TMEM131L: variants seen among roughly 807,000 people sequenced by gnomAD.
TMEM131L encodes transmembrane protein 131-like.
A neutral mutation model predicts 192.2 loss-of-function variants in TMEM131L; 54 were observed. The observed-to-expected ratio is 0.28, with a 90% confidence interval of 0.23 to 0.35. The LOEUF is 0.35. Among genes scored for constraint, TMEM131L ranks in the 10% least tolerant of loss-of-function variants. The pLI is 1.00. For missense variants in TMEM131L, 1,888 were observed against 1,972.9 expected, an observed-to-expected ratio of 0.96 and a Z score of 0.82; for synonymous variants, 701 against 704.9, an observed-to-expected ratio of 0.99 and a Z score of 0.09.
intron 3 of TMEM131L, among the ~76,000 whole-genome samples, chr4:153,530,434 CAGGA>C (rs1476587206): frequency 6.6e-6 from 1 of 151,974 alleles, no homozygotes; most frequent in Admixed American, 6.5e-5. Context: ...AGTTTCCCCA[CAGGA>C]AGGGGAAATA....
In TMEM131L at chr4:153,634,207, T is replaced by C; in HGVS notation, c.4344T>C (p.Ser1448=). ...APVHNSFIDW[S]ATCEGQFSSA... is the part of the protein sequence containing the mutation. The stretch of plus-strand genomic sequence containing the variant: ...TTTGTGGCAGTTTCATTGATTGGAG[T>C]GCAACATGCGAAGGCCAGTTTTCCA... The change falls in exon 33 of 35, where the codon AGT becomes AGC. Residue 1448 remains serine, a synonymous_variant. Transcript: ENST00000409959. 6.2e-7 allele frequency: 1 copy of C among 1,614,080 alleles called. No homozygotes were observed. Among genetic ancestry groups the C allele is most frequent in the Non-Finnish European group, 8.5e-7 (1 of 1,179,920 alleles).
intron 30 of TMEM131L, 60 bp from the exon 31 acceptor site, chr4:153,627,545 T>C (rs1209033208): frequency 7.9e-7 from 1 of 1,273,088 alleles, no homozygotes; most frequent in Non-Finnish European, 1.1e-6. Flanking sequence ...GGTTATACAA[T>C]ATCAGTATTT....
rs140614660 is a variant in TMEM131L at position 153,584,887 on chromosome 4, C to T, written c.1113C>T (p.His371=). ...GIIEDVKKTT[H]TPTLKACLFS... The stretch of plus-strand genomic sequence containing the variant: ...TAGAAGATGTGAAGAAAACAACACA[C>T]ACTCCAACACTAAAAGCATGCCTCT... The change falls in exon 12 of 35, where the codon CAC becomes CAT. Residue 371 remains histidine (H), a synonymous_variant. Coordinates refer to ENST00000409959, the MANE Select transcript of TMEM131L (RefSeq NM_001131007.2). 1.3e-5 allele frequency: 21 copies of T among 1,614,026 alleles called. No homozygotes were observed. Among genetic ancestry groups the T allele is most frequent in the Non-Finnish European group, 1.7e-5 (20 of 1,179,958 alleles).
At chr4:153,475,940 C>T (rs1010997599) in intron 3 of TMEM131L, among the ~76,000 whole-genome samples, 3 of 152,170 alleles carry the variant, frequency 2.0e-5, no homozygotes, top group African/African-American at 7.2e-5. Context: ...TTCGACTGTA[C>T]TAATACAAAT....
In TMEM131L at chr4:153,487,719, TGA is replaced by T. The variant is rs1554020496; in HGVS notation, c.239+13850_239+13851del. Among the ~76,000 whole-genome samples, 1,018 of 143,354 alleles carry T rather than the reference TGA, an allele frequency of 7.1e-3. 9 individuals carry two copies. The highest frequency in any genetic ancestry group is 0.023 in the African/African-American group (907 of 38,944). 94.0% of individuals were successfully genotyped at this position (143,354 alleles called of 152,430 possible). ...GTGTGTGTGTGTGTGTGTGTGTGTG[TGA>T]GAGAGAGAGAGAGAGAGACACCCTC... is the stretch of plus-strand genomic sequence containing the variant. On this transcript the variant is annotated intron_variant, in intron 3 of 34. Coordinates refer to ENST00000409959, the MANE Select transcript of TMEM131L (RefSeq NM_001131007.2).
chr4:153,626,118 C>T (rs1190265323), intron 29 of TMEM131L, 29 bp from the exon 30 acceptor site: 6 of 1,476,128 alleles, frequency 4.1e-6, no homozygotes, highest in Non-Finnish European at 5.7e-6. Context: ...CTTTTTGAAA[C>T]TTGTGATAAT....
At chr4:153,558,410 A>G in intron 7 of TMEM131L, 42 bp downstream of exon 7, 1 of 1,209,012 alleles carries the variant, frequency 8.3e-7, no homozygotes, top group Non-Finnish European at 1.2e-6. Context: ...TGGCCACCAA[A>G]CTTTGTAACC....
intron 3 of TMEM131L, among the ~76,000 whole-genome samples, chr4:153,522,276 T>G (rs1735174820): frequency 6.6e-6 from 1 of 152,218 alleles, no homozygotes; most frequent in Admixed American, 6.5e-5. Context: ...GTTCCTGTTT[T>G]GTGCCCTTTT....
chr4:153,507,744 G>A (rs1042645616), intron 3 of TMEM131L, among the ~76,000 whole-genome samples: 1 of 151,998 alleles, frequency 6.6e-6, no homozygotes, highest in Non-Finnish European at 1.5e-5. Context: ...AAAAACCAGG[G>A]AACGCTTATG....
intron 24 of TMEM131L, 171 bp from the exon 25 acceptor site, chr4:153,603,631 C>T: frequency 1.0e-6 from 1 of 975,734 alleles, no homozygotes; most frequent in South Asian, 1.8e-5. Context: ...CATGCAAGGA[C>T]TTAGTTGATG....
At chr4:153,525,316 G>A (rs996807939) in intron 3 of TMEM131L, among the ~76,000 whole-genome samples, 10 of 152,260 alleles carry the variant, frequency 6.6e-5, no homozygotes, top group African/African-American at 2.2e-4. Context: ...AGGTTTAACA[G>A]CCTCATAAGT....
chr4:153,621,586 C>T, intron 27 of TMEM131L, 97 bp from the exon 28 acceptor site: 1 of 1,268,478 alleles, frequency 7.9e-7, no homozygotes, highest in Non-Finnish European at 1.1e-6. Context: ...GTCCCAGATT[C>T]ATATTTTCAC....
intron 3 of TMEM131L, among the ~76,000 whole-genome samples, chr4:153,499,778 C>CG (rs1478405609): frequency 2.0e-5 from 3 of 152,130 alleles, no homozygotes; most frequent in Non-Finnish European, 4.4e-5. Flanking sequence ...GAGCACTTCA[C>CG]GTGATGGGAA....
intron 7 of TMEM131L, among the ~76,000 whole-genome samples, chr4:153,579,429 T>C (rs1369341519): frequency 6.6e-6 from 1 of 152,238 alleles, no homozygotes; most frequent in African/African-American, 2.4e-5. Flanking sequence ...ATGATTTCTT[T>C]AAAAGAGTGT....
At chr4:153,629,934 A>G (rs1415221687) in intron 31 of TMEM131L, among the ~76,000 whole-genome samples, 1 of 152,174 alleles carries the variant, frequency 6.6e-6, no homozygotes, top group African/African-American at 2.4e-5. Context: ...TTTGACCCAG[A>G]CAACTACCAA....
At chr4:153,473,816 A>G (rs1731330910) in intron 2 of TMEM131L, 29 bp from the exon 3 acceptor site, 2 of 1,530,624 alleles carry the variant, frequency 1.3e-6, no homozygotes, top group East Asian at 2.5e-5. Context: ...AAACAGAAAC[A>G]ACGGTTAACA....
intron 7 of TMEM131L, among the ~76,000 whole-genome samples, chr4:153,573,216 T>G (rs1446107933): frequency 6.6e-6 from 1 of 152,266 alleles, no homozygotes; most frequent in African/African-American, 2.4e-5. Flanking sequence ...CTGTTCAAGT[T>G]TTTTGAGGAA....
chr4:153,488,747 C>T (rs957018737), intron 3 of TMEM131L, among the ~76,000 whole-genome samples: 9 of 152,218 alleles, frequency 5.9e-5, no homozygotes, highest in Non-Finnish European at 1.2e-4. Flanking sequence ...GTATTCTCTC[C>T]TCACAGTCCG....
intron 3 of TMEM131L, among the ~76,000 whole-genome samples, chr4:153,507,082 G>A (rs1028617606): frequency 1.1e-4 from 17 of 152,128 alleles, no homozygotes; most frequent in Non-Finnish European, 1.8e-4. Flanking sequence ...GGAAGGGAGG[G>A]GGCAGAAGCA....
Sources: gnomAD v4.1 joint callset for allele counts (sites outside exome capture counted in the v4.1 genomes callset) on GRCh38, gnomAD v4.1.1 for gene constraint, MANE v1.5 for transcripts, NCBI Gene and HGNC (gene_info 2026-07-23, HGNC 2026-07-21) for gene names.